Variants in ZFHX3 observed in about 807,000 individuals in gnomAD.
The protein encoded by ZFHX3 is zinc finger homeobox protein 3.
In ZFHX3, 42 loss-of-function variants were observed where a neutral mutation model predicts 279.1. The observed-to-expected ratio is 0.15, with a 90% CI of 0.12 to 0.19. The LOEUF (loss-of-function observed/expected upper bound fraction) is 0.19, where lower values mean the gene tolerates loss of function less well. Ranked by LOEUF, ZFHX3 falls within the 10% of genes least tolerant of loss-of-function variation. The pLI is 1.00. For synonymous variants in ZFHX3, 2,293 were observed against 1,957.8 expected (o/e 1.17, Z -4.52); for missense variants, 4,981 against 4,754.0 (o/e 1.05, Z -1.40).
intron 8 of ZFHX3, chr16:73,092,816 C>T (rs915119782): frequency 2.3e-6 from 1 of 441,376 alleles, no homozygotes; most frequent in African/African-American, 2.0e-5. Context: ...CTCTCCACTG[C>T]CCTTACCTGA....
intron 3 of ZFHX3, among the ~76,000 whole-genome samples, chr16:73,379,639 A>C (rs1422919286): frequency 6.6e-6 from 1 of 152,204 alleles, no homozygotes; most frequent in Non-Finnish European, 1.5e-5. Flanking sequence ...GTAAGCAGAA[A>C]GGAAGAGGAC....
intron 3 of ZFHX3, among the ~76,000 whole-genome samples, chr16:72,900,629 C>T (rs60176428): frequency 0.054 from 8,222 of 152,216 alleles, 737 homozygotes; most frequent in African/African-American, 0.19. Flanking sequence ...ATGGATGATG[C>T]CACTGGTGTT....
intron 1 of ZFHX3, among the ~76,000 whole-genome samples, chr16:73,723,000 C>T (rs977037237): frequency 2.0e-5 from 3 of 152,112 alleles, no homozygotes; most frequent in African/African-American, 7.2e-5. Flanking sequence ...AGTGTGTGGT[C>T]TTCAAGCTAA....
At chr16:73,197,886 T>C (rs1206647693) in intron 5 of ZFHX3, among the ~76,000 whole-genome samples, 1 of 145,556 alleles carries the variant, frequency 6.9e-6, no homozygotes, top group Non-Finnish European at 1.5e-5. Flanking sequence ...TGGGTGTCGG[T>C]AAAGAAAAAG....
At chr16:73,878,426 TAA>T (rs761549468) in intron 1 of ZFHX3, among the ~76,000 whole-genome samples, 1 of 151,950 alleles carries the variant, frequency 6.6e-6, no homozygotes. Flanking sequence ...TGACACAGAG[TAA>T]AACTTTTTTA....
At chr16:73,477,599 G>A (rs1000334971) in intron 2 of ZFHX3, among the ~76,000 whole-genome samples, 1 of 152,156 alleles carries the variant, frequency 6.6e-6, no homozygotes, top group Non-Finnish European at 1.5e-5. Context: ...CACAGTTCCC[G>A]CGGACCCTGC....
Position 72,795,245 on chromosome 16 carries a change from C to G in ZFHX3, c.7437G>C (p.Ser2479=). ...QKLPQLVSLP[S]LPQPPPQAPP... ...GCGCTTGTGGAGGAGGCTGTGGCAA[C>G]GAAGGCAGGGACACCAGCTGGGGGA... The change falls in exon 9 of 10, where the codon TCG becomes TCC. Residue 2479 remains serine (S), a synonymous_variant. Coordinates refer to ENST00000268489, the MANE Select transcript of ZFHX3 (RefSeq NM_006885.4). 2 of 1,610,392 alleles carry G rather than the reference C, an allele frequency of 1.2e-6. No homozygotes were observed. Among genetic ancestry groups the G allele is most frequent in the Non-Finnish European group, 1.7e-6 (2 of 1,178,002 alleles).
chr16:73,543,239 T>C (rs2020049091), intron 2 of ZFHX3, among the ~76,000 whole-genome samples: 1 of 152,234 alleles, frequency 6.6e-6, no homozygotes, highest in Admixed American at 6.5e-5. Context: ...TACAAGTCTA[T>C]CCCTCAGGAT....
At chr16:73,322,535 C>A (rs1188356474) in intron 3 of ZFHX3, among the ~76,000 whole-genome samples, 2 of 152,044 alleles carry the variant, frequency 1.3e-5, no homozygotes, top group African/African-American at 2.4e-5. Flanking sequence ...TAGGAATAGC[C>A]CTTATCTTGT....
At chr16:73,037,057 C>CTG (rs758448785) in intron 1 of ZFHX3, among the ~76,000 whole-genome samples, 4 of 152,172 alleles carry the variant, frequency 2.6e-5, no homozygotes, top group Non-Finnish European at 5.9e-5. Context: ...ACCCTCCCAT[C>CTG]AACTATACCT....
intron 2 of ZFHX3, among the ~76,000 whole-genome samples, chr16:73,457,445 T>C (rs902916998): frequency 2.0e-5 from 3 of 152,320 alleles, no homozygotes; most frequent in Non-Finnish European, 4.4e-5. Context: ...AATAAGCTGC[T>C]GAACCTCTCT....
At chr16:73,174,485 T>C (rs1035831416) in intron 5 of ZFHX3, among the ~76,000 whole-genome samples, 3 of 152,116 alleles carry the variant, frequency 2.0e-5, no homozygotes, top group African/African-American at 7.2e-5. Context: ...TGGTATTAGG[T>C]TTGAGTTCAC....
At chr16:73,184,185 C>G (rs1967862406) in intron 5 of ZFHX3, among the ~76,000 whole-genome samples, 1 of 152,106 alleles carries the variant, frequency 6.6e-6, no homozygotes, top group African/African-American at 2.4e-5. Flanking sequence ...TCCAGGGGTG[C>G]TAGGGCTTGC....
At chr16:73,800,899 C>A (rs748755433) in intron 1 of ZFHX3, among the ~76,000 whole-genome samples, 4 of 152,192 alleles carry the variant, frequency 2.6e-5, no homozygotes, top group Non-Finnish European at 5.9e-5. Flanking sequence ...TTCTGACACA[C>A]TGACTCTGTA....
chr16:73,202,295 C>T (rs763728511), intron 5 of ZFHX3, among the ~76,000 whole-genome samples: 1 of 152,140 alleles, frequency 6.6e-6, no homozygotes, highest in Admixed American at 6.5e-5. Flanking sequence ...TTTGAATCAC[C>T]CATCTCTTAG....
rs116506581 is a variant in ZFHX3 at position 73,176,574 on chromosome 16, A to G, written c.-1103-32743T>C. Among the ~76,000 whole-genome samples the G allele has an allele frequency of 4.5e-3, 656 of 146,326 alleles. 10 individuals carry two copies. The highest frequency in any genetic ancestry group is 0.015 in the African/African-American group (599 of 39,656). ...GAAAATGCCCTCGGCTGAATTTTTTATTATTTATTGATTGATAGCCTTCTT... is the reference window on the plus strand; with the variant it reads ...GAAAATGCCCTCGGCTGAATTTTTTGTTATTTATTGATTGATAGCCTTCTT... On this transcript the variant is annotated intron_variant, in intron 5 of 17. Transcript: ENST00000641206.
chr16:73,785,575 T>C (rs116205232), intron 1 of ZFHX3, among the ~76,000 whole-genome samples: 132 of 152,334 alleles, frequency 8.7e-4, no homozygotes, highest in African/African-American at 3.0e-3. Flanking sequence ...ATTCCCTGAA[T>C]ACTCATGAGT....
At chr16:73,218,756 G>C (rs191378814) in intron 5 of ZFHX3, among the ~76,000 whole-genome samples, 1 of 152,126 alleles carries the variant, frequency 6.6e-6, no homozygotes, top group Non-Finnish European at 1.5e-5. Flanking sequence ...GTGACAGAGC[G>C]AGACCCTGTC....
At chr16:73,891,095 C>T (rs2030523045) in intron 1 of ZFHX3, among the ~76,000 whole-genome samples, 2 of 147,776 alleles carry the variant, frequency 1.4e-5, no homozygotes, top group African/African-American at 2.5e-5. Flanking sequence ...CATCTCCATA[C>T]TAATCTCTGC....
Sources: allele counts gnomAD v4.1 joint callset (sites outside exome capture counted in the v4.1 genomes callset), GRCh38; gene constraint gnomAD v4.1.1; transcripts MANE v1.5; gene names NCBI Gene and HGNC (gene_info 2026-07-23, HGNC 2026-07-21).